The following CDYL2 variants were observed in gnomAD, a reference collection of about 807,000 sequenced individuals.
The protein encoded by CDYL2 is chromodomain Y like 2.
A neutral mutation model predicts 49.4 loss-of-function variants in CDYL2; 23 were observed. The ratio of observed to expected loss-of-function variants is 0.47; its 90% CI spans 0.34 to 0.66. The LOEUF is 0.66. CDYL2 is among the 30% of genes least tolerant of loss of function. CDYL2 has a pLI of 0.01. For synonymous variants in CDYL2, 360 were observed against 268.8 expected, an observed-to-expected ratio of 1.34 and a Z score of -3.32; for missense variants, 678 against 656.4, an observed-to-expected ratio of 1.03 and a Z score of -0.36.
At chr16:80,776,325 G>A (rs1258667512) in intron 1 of CDYL2, among the ~76,000 whole-genome samples, 1 of 152,044 alleles carries the variant, frequency 6.6e-6, no homozygotes, top group Non-Finnish European at 1.5e-5. Context: ...ATAATTTGGT[G>A]AATCTGTTAT....
intron 1 of CDYL2, among the ~76,000 whole-genome samples, chr16:80,760,902 A>G (rs1906505163): frequency 6.6e-6 from 1 of 152,154 alleles, no homozygotes; most frequent in Non-Finnish European, 1.5e-5. Context: ...TTAAAGGGGA[A>G]AAAGAAACAT....
chr16:80,745,087 T>A (rs1056188938), intron 1 of CDYL2, among the ~76,000 whole-genome samples: 5 of 152,042 alleles, frequency 3.3e-5, no homozygotes, highest in African/African-American at 1.2e-4. Context: ...TCACAACACT[T>A]TAATCTGCAA....
chr16:80,776,147 T>C (rs529024663), intron 1 of CDYL2, among the ~76,000 whole-genome samples: 23 of 152,228 alleles, frequency 1.5e-4, no homozygotes, highest in African/African-American at 5.5e-4. Flanking sequence ...TGAAAGTACA[T>C]TTTACTTAGA....
Position 80,608,147 on chromosome 16 carries a change from G to A in CDYL2, c.1307C>T (p.Thr436Met), listed in dbSNP as rs1291853182. 5.0e-6 allele frequency: 8 copies of A among 1,605,850 alleles called. No individual in the cohort carries two copies. The highest frequency in any genetic ancestry group is 2.2e-5 in the East Asian group (1 of 44,610). Residue 436 changes from threonine to methionine, a missense_variant, in exon 6 of 7, where the codon ACG becomes ATG. Physicochemically the swap from Thr to Met is moderately conservative, Grantham distance 81. Coordinates refer to ENST00000570137, the MANE Select transcript of CDYL2 (RefSeq NM_152342.4). ...GLVSQVFWPT[T>M]FSQEVMLRVK... ...CCGCAGCATGACCTCCTGGCTGAAC[G>A]TGGTGGGCCAGAAGACCTGCGACAC...
At chr16:80,610,741 G>C (rs1035876432) in intron 5 of CDYL2, among the ~76,000 whole-genome samples, 2 of 152,138 alleles carry the variant, frequency 1.3e-5, no homozygotes, top group Non-Finnish European at 2.9e-5. Flanking sequence ...AGCACACTTT[G>C]CAGGGCCGGG....
intron 2 of CDYL2, among the ~76,000 whole-genome samples, chr16:80,653,406 A>G (rs532172684): frequency 1.3e-5 from 2 of 152,348 alleles, no homozygotes; most frequent in East Asian, 1.9e-4. Flanking sequence ...TGGAGGTTGC[A>G]GTAAGCCGAG....
chr16:80,657,694 T>C (rs1908868690), intron 2 of CDYL2, among the ~76,000 whole-genome samples: 3 of 152,104 alleles, frequency 2.0e-5, no homozygotes, highest in African/African-American at 7.2e-5. Flanking sequence ...ATCTTCATTG[T>C]GGGGGAGATA....
Position 80,675,260 on chromosome 16 carries a change from C to T in CDYL2, c.616+9278G>A, listed in dbSNP as rs552850155. Among the ~76,000 whole-genome samples, 15 of 152,336 alleles carry T rather than the reference C, an allele frequency of 9.8e-5. No individual in the cohort carries two copies. The East Asian group carries it at 2.9e-3, about 29-fold the overall frequency. On this transcript the variant is annotated intron_variant, in intron 2 of 6. Transcript: ENST00000570137. ...ACAGCTTCAGCATCCCCAGACCCGG[C>T]ACCACACCCTAATTCCTTCTCTCAG...
At chr16:80,764,855 T>C (rs951618958) in intron 1 of CDYL2, among the ~76,000 whole-genome samples, 6 of 151,446 alleles carry the variant, frequency 4.0e-5, no homozygotes, top group Non-Finnish European at 8.8e-5. Context: ...GGTCAGGAGA[T>C]CAAGACCATT....
chr16:80,699,524 A>G (rs1567575864), intron 1 of CDYL2, among the ~76,000 whole-genome samples: 1 of 96,972 alleles, frequency 1.0e-5, no homozygotes, highest in African/African-American at 3.0e-5. Context: ...AATAGCACGA[A>G]CAGAGGATAG....
chr16:80,699,666 T>C (rs1904290951), intron 1 of CDYL2, among the ~76,000 whole-genome samples: 1 of 152,220 alleles, frequency 6.6e-6, no homozygotes, highest in Admixed American at 6.5e-5. Flanking sequence ...AAAAGAGGAT[T>C]TTTACTATTC....
intron 1 of CDYL2, among the ~76,000 whole-genome samples, chr16:80,714,733 T>A (rs1009396488): frequency 2.6e-5 from 4 of 152,168 alleles, no homozygotes; most frequent in African/African-American, 9.7e-5. Context: ...TATCTCTGCA[T>A]TCTACGCTCA....
chr16:80,667,531 G>T (rs1909317758), intron 2 of CDYL2, among the ~76,000 whole-genome samples: 1 of 152,012 alleles, frequency 6.6e-6, no homozygotes, highest in South Asian at 2.1e-4. Context: ...CTTACCTATG[G>T]CCCCACAATA....
intron 3 of CDYL2, among the ~76,000 whole-genome samples, chr16:80,626,197 A>C (rs1294896160): frequency 6.6e-6 from 1 of 150,624 alleles, no homozygotes; most frequent in Admixed American, 6.6e-5. Flanking sequence ...CTTCAGCAGA[A>C]GGATGGGAGG....
At chr16:80,670,024 G>C (rs1909435026) in intron 2 of CDYL2, among the ~76,000 whole-genome samples, 1 of 152,216 alleles carries the variant, frequency 6.6e-6, no homozygotes, top group Non-Finnish European at 1.5e-5. Flanking sequence ...AACAACCCAA[G>C]ACATGGGGCA....
intron 2 of CDYL2, among the ~76,000 whole-genome samples, chr16:80,664,824 T>C (rs1331798220): frequency 6.6e-6 from 1 of 152,114 alleles, no homozygotes; most frequent in African/African-American, 2.4e-5. Context: ...AGTTTCCATA[T>C]CCGTGAAATG....
chr16:80,665,098 A>C (rs1909204289), intron 2 of CDYL2, among the ~76,000 whole-genome samples: 1 of 152,214 alleles, frequency 6.6e-6, no homozygotes, highest in Non-Finnish European at 1.5e-5. Context: ...TAAATATTTC[A>C]TGAAGAAATC....
chr16:80,651,536 C>A (rs1041576626), intron 2 of CDYL2, among the ~76,000 whole-genome samples: 1 of 152,096 alleles, frequency 6.6e-6, no homozygotes, highest in Non-Finnish European at 1.5e-5. Context: ...AGACATTAAG[C>A]GCTTGTCAAA....
chr16:80,648,538 C>G lies in CDYL2; in HGVS notation c.617-15302G>C, dbSNP rs113886318. ...CTCCCAGTAAAGAAAAGTCTGGGAC[C>G]CAATGTCTTCACTGTTGAATTCTAC... On this transcript the variant is annotated intron_variant, in intron 2 of 6. Transcript: ENST00000570137. Among the ~76,000 whole-genome samples the G allele has an allele frequency of 3.9e-5, 6 of 152,066 alleles. 1 individual carries two copies. The highest frequency in any genetic ancestry group is 2.1e-4 in the South Asian group (1 of 4,806).
Sources: allele counts gnomAD v4.1 joint callset (sites outside exome capture counted in the v4.1 genomes callset), GRCh38; gene constraint gnomAD v4.1.1; transcripts MANE v1.5; gene names NCBI Gene and HGNC (gene_info 2026-07-23, HGNC 2026-07-21).